NRG3: variants seen among roughly 807,000 people sequenced by gnomAD.
NRG3 encodes pro-neuregulin-3, membrane-bound isoform.
NRG3 carries 31 observed loss-of-function variants against 66.9 expected under a neutral mutation model. The ratio of observed to expected loss-of-function variants is 0.46; its 90% CI spans 0.35 to 0.63. The LOEUF (loss-of-function observed/expected upper bound fraction) is 0.63, where lower values mean the gene tolerates loss of function less well. NRG3 is among the 20% of genes least tolerant of loss of function. NRG3 has a pLI of 0.00. For missense variants in NRG3, 910 were observed against 878.9 expected (o/e 1.04, Z -0.45); for synonymous variants, 393 against 359.4 (o/e 1.09, Z -1.06).
intron 1 of NRG3, among the ~76,000 whole-genome samples, chr10:82,177,456 CATA>C (rs1405698705): frequency 6.6e-6 from 1 of 152,126 alleles, no homozygotes; most frequent in Non-Finnish European, 1.5e-5. Context: ...TTAATGTTTA[CATA>C]ATAACTGAGT....
intron 3 of NRG3, among the ~76,000 whole-genome samples, chr10:82,764,629 C>A (rs529310582): frequency 6.6e-6 from 1 of 151,824 alleles, no homozygotes; most frequent in South Asian, 2.1e-4. Context: ...TCCCAAAGTG[C>A]TCCCAAAGTA....
chr10:82,058,050 C>T (rs1181225079), intron 1 of NRG3, among the ~76,000 whole-genome samples: 2 of 151,420 alleles, frequency 1.3e-5, no homozygotes, highest in African/African-American at 2.4e-5. Flanking sequence ...CATTAAAAAC[C>T]GATTATTTGA....
intron 4 of NRG3, among the ~76,000 whole-genome samples, chr10:82,900,635 G>A (rs962721093): frequency 6.6e-6 from 1 of 152,076 alleles, no homozygotes; most frequent in African/African-American, 2.4e-5. Context: ...TCTTTTGCAT[G>A]CGTTATTTCA....
intron 1 of NRG3, among the ~76,000 whole-genome samples, chr10:81,915,852 G>C (rs554048753): frequency 1.3e-5 from 2 of 152,240 alleles, no homozygotes; most frequent in East Asian, 3.9e-4. Context: ...GGGAAGCTTT[G>C]AGGTTTCAGT....
At chr10:82,374,872 G>A (rs934545479) in intron 2 of NRG3, among the ~76,000 whole-genome samples, 2 of 152,136 alleles carry the variant, frequency 1.3e-5, no homozygotes, top group African/African-American at 4.8e-5. Context: ...ACATGTTTGT[G>A]AAGCTTATGG....
chr10:82,329,714 A>T (rs1332928020), intron 1 of NRG3, among the ~76,000 whole-genome samples: 1 of 152,154 alleles, frequency 6.6e-6, no homozygotes, highest in Non-Finnish European at 1.5e-5. Flanking sequence ...TCTGTCTCCA[A>T]ACCAAATGTC....
chr10:82,610,331 C>T (rs190423115), intron 2 of NRG3, among the ~76,000 whole-genome samples: 10 of 113,426 alleles, frequency 8.8e-5, no homozygotes, highest in African/African-American at 3.6e-4. Context: ...ATATTCACAC[C>T]GGTTTCAGGG....
chr10:82,343,754 C>T (rs554260526), intron 1 of NRG3, among the ~76,000 whole-genome samples: 7 of 152,088 alleles, frequency 4.6e-5, no homozygotes, highest in African/African-American at 1.4e-4. Flanking sequence ...GGTAACTAAC[C>T]ACTGCTCAAA....
intron 4 of NRG3, among the ~76,000 whole-genome samples, chr10:82,901,648 C>T (rs1028085630): frequency 1.3e-5 from 2 of 152,162 alleles, no homozygotes; most frequent in Non-Finnish European, 2.9e-5. Flanking sequence ...CAGAATGGTA[C>T]ATACAGAACA....
intron 1 of NRG3, among the ~76,000 whole-genome samples, chr10:81,932,381 C>G (rs1255018628): frequency 6.6e-6 from 1 of 152,126 alleles, no homozygotes; most frequent in Non-Finnish European, 1.5e-5. Flanking sequence ...GTTCTGCCCC[C>G]CAGCATTGGG....
intron 1 of NRG3, among the ~76,000 whole-genome samples, chr10:82,032,314 A>G (rs1313770015): frequency 6.6e-6 from 1 of 152,060 alleles, no homozygotes; most frequent in Non-Finnish European, 1.5e-5. Context: ...TTGATTCTCT[A>G]ACTAGAAAAG....
In NRG3 at chr10:82,094,928, T is replaced by C. The variant is rs2066242039; in HGVS notation, c.823+218765T>C. On this transcript the variant is annotated intron_variant, in intron 1 of 8. Coordinates refer to ENST00000372141, the MANE Select transcript of NRG3 (RefSeq NM_001010848.4). Reference sequence around the variant, plus strand: ...GAGGGCTGTGAAATTACTTAATGGTTACAATGCACATTATTTGGGGGATAG... The same window carrying C: ...GAGGGCTGTGAAATTACTTAATGGTCACAATGCACATTATTTGGGGGATAG... Among the ~76,000 whole-genome samples, 4 of 152,296 alleles carry C rather than the reference T, an allele frequency of 2.6e-5. No homozygotes were observed. In the South Asian group the frequency reaches 8.3e-4, roughly 32 times the overall value.
chr10:82,039,542 G>A (rs534172316), intron 1 of NRG3, among the ~76,000 whole-genome samples: 1 of 152,158 alleles, frequency 6.6e-6, no homozygotes, highest in South Asian at 2.1e-4. Context: ...TTAACAGAAT[G>A]CAGTCATTAA....
chr10:82,635,724 A>G (rs1009931149), intron 2 of NRG3, among the ~76,000 whole-genome samples: 1 of 152,104 alleles, frequency 6.6e-6, no homozygotes, highest in Non-Finnish European at 1.5e-5. Context: ...CCAAACTAGA[A>G]TGTTCTCTTC....
chr10:82,410,465 G>A (rs992608214), intron 2 of NRG3, among the ~76,000 whole-genome samples: 9 of 142,198 alleles, frequency 6.3e-5, no homozygotes, highest in African/African-American at 2.4e-4. Flanking sequence ...ATATATATAT[G>A]TATATATATA....
intron 2 of NRG3, among the ~76,000 whole-genome samples, chr10:82,659,918 G>A (rs947578295): frequency 1.3e-5 from 2 of 151,768 alleles, no homozygotes; most frequent in African/African-American, 2.4e-5. Context: ...AGTGACGGCC[G>A]GGTGCAATGG....
At chr10:82,338,988 C>G (rs918737708) in intron 1 of NRG3, among the ~76,000 whole-genome samples, 1 of 152,042 alleles carries the variant, frequency 6.6e-6, no homozygotes, top group Non-Finnish European at 1.5e-5. Flanking sequence ...AAGATGACAC[C>G]AACACTGCCA....
At chr10:82,602,196 C>T (rs539809326) in intron 2 of NRG3, among the ~76,000 whole-genome samples, 4 of 151,884 alleles carry the variant, frequency 2.6e-5, no homozygotes, top group South Asian at 4.1e-4. Flanking sequence ...GTCGACTATC[C>T]GTTTTTTGAA....
chr10:82,543,890 C>A (rs535245011), intron 2 of NRG3, among the ~76,000 whole-genome samples: 7 of 152,286 alleles, frequency 4.6e-5, no homozygotes, highest in Admixed American at 1.3e-4. Context: ...CAGTAAGATT[C>A]TCTGGAGCCT....
Sources: gnomAD v4.1 joint callset for allele counts (sites outside exome capture counted in the v4.1 genomes callset) on GRCh38, gnomAD v4.1.1 for gene constraint, MANE v1.5 for transcripts, NCBI Gene and HGNC (gene_info 2026-07-23, HGNC 2026-07-21) for gene names.